The following ARID1B variants were observed in gnomAD, a reference collection of about 807,000 sequenced individuals.
ARID1B encodes AT-rich interaction domain 1B.
Under a neutral mutation model 212.3 loss-of-function variants are expected in ARID1B, and 30 were observed. That is an observed-to-expected ratio of 0.14 (90% confidence interval 0.11 to 0.19). The LOEUF is 0.19. Among genes scored for constraint, ARID1B ranks in the 10% least tolerant of loss-of-function variants. ARID1B has a pLI of 1.00. For synonymous variants in ARID1B, 1,402 were observed against 1,301.7 expected, an observed-to-expected ratio of 1.08 and a Z score of -1.66; for missense variants, 2,891 against 3,204.0, an observed-to-expected ratio of 0.90 and a Z score of 2.36.
intron 9 of ARID1B, chr6:157,173,353 G>A (rs913758080): frequency 3.3e-5 from 5 of 152,246 alleles, no homozygotes; most frequent in Non-Finnish European, 5.9e-5. Context: ...GCATTGAGCT[G>A]CTGTAAGGGT....
At chr6:156,927,548 C>G (rs1469126366) in intron 3 of ARID1B, among the ~76,000 whole-genome samples, 9 of 152,148 alleles carry the variant, frequency 5.9e-5, no homozygotes, top group African/African-American at 1.9e-4. Context: ...TATTGATGCT[C>G]TCTGCAGTCT....
At chr6:157,109,941 A>G (rs929681294) in intron 5 of ARID1B, among the ~76,000 whole-genome samples, 1 of 152,242 alleles carries the variant, frequency 6.6e-6, no homozygotes, top group African/African-American at 2.4e-5. Context: ...TTTAGTGATC[A>G]TGTATACTGC....
At position 156,777,932 on chromosome 6, in the gene ARID1B, G is replaced by A. The variant is rs1778746289; in HGVS notation, c.252G>A (p.Met84Ile). ...HPLLPRHELNMAHNAGAAAAA... is the reference protein window; with the variant it reads ...HPLLPRHELNIAHNAGAAAAA... ...TGCTCCCCCGTCACGAACTCAACAT[G>A]GCCCATAACGCGGGCGCCGCGGCCG... Residue 84 changes from methionine (M) to isoleucine (I), a missense_variant, in exon 1 of 20, where the codon ATG becomes ATA. Around this residue, in one of 7 missense-constraint regions of ARID1B, gnomAD observed 1,643 missense variants for 1,544.0 expected, o/e 1.06. Coordinates refer to ENST00000636930, the MANE Select transcript of ARID1B (RefSeq NM_001374828.1). 4 of 1,526,728 alleles carry A rather than the reference G, an allele frequency of 2.6e-6. No homozygotes were observed. Among genetic ancestry groups the A allele is most frequent in the African/African-American group, 1.4e-5 (1 of 72,122 alleles). The allele number at this position is 1,526,728 out of a possible 1,614,324, so 94.6% of individuals were successfully genotyped here.
intron 5 of ARID1B, among the ~76,000 whole-genome samples, chr6:157,090,272 A>G (rs1392783708): frequency 6.6e-6 from 1 of 152,222 alleles, no homozygotes; most frequent in Non-Finnish European, 1.5e-5. Flanking sequence ...ATGGACAGGC[A>G]GGTGTTAACT....
chr6:156,821,025 G>C (rs1425480046), intron 1 of ARID1B, among the ~76,000 whole-genome samples: 1 of 152,200 alleles, frequency 6.6e-6, no homozygotes, highest in African/African-American at 2.4e-5. Context: ...ATGAAGACTT[G>C]GGTGAAATAG....
intron 4 of ARID1B, among the ~76,000 whole-genome samples, chr6:157,028,442 G>C (rs111924518): frequency 6.6e-6 from 1 of 152,166 alleles, no homozygotes; most frequent in Non-Finnish European, 1.5e-5. Flanking sequence ...TTTACATAAA[G>C]ATCTAAAGGG....
At chr6:157,018,463 C>T (rs1000749265) in intron 4 of ARID1B, among the ~76,000 whole-genome samples, 1 of 152,112 alleles carries the variant, frequency 6.6e-6, no homozygotes, top group Non-Finnish European at 1.5e-5. Flanking sequence ...ATCCTTCCGC[C>T]TTGCCCTCCA....
intron 1 of ARID1B, among the ~76,000 whole-genome samples, chr6:156,799,767 C>T (rs1204367648): frequency 2.6e-5 from 4 of 152,212 alleles, no homozygotes; most frequent in Non-Finnish European, 4.4e-5. Flanking sequence ...CATGAGCCAC[C>T]ACACCCGGCC....
intron 1 of ARID1B, among the ~76,000 whole-genome samples, chr6:156,790,617 A>C (rs936492148): frequency 1.3e-5 from 2 of 152,254 alleles, no homozygotes; most frequent in Non-Finnish European, 2.9e-5. Context: ...TTTAAAAATT[A>C]CAGTCATACT....
intron 1 of ARID1B, among the ~76,000 whole-genome samples, chr6:156,784,058 G>C (rs2115080602): frequency 6.6e-6 from 1 of 152,078 alleles, no homozygotes; most frequent in South Asian, 2.1e-4. Flanking sequence ...AGGTTTTCCA[G>C]TTGGATGTTA....
intron 6 of ARID1B, among the ~76,000 whole-genome samples, chr6:157,112,348 G>A (rs954126338): frequency 4.0e-5 from 6 of 151,622 alleles, no homozygotes; most frequent in South Asian, 4.2e-4. Context: ...CCAAGCAAGC[G>A]TGATTCTTAC....
chr6:156,897,237 C>CTTA (rs1562468385), intron 2 of ARID1B, among the ~76,000 whole-genome samples: 13 of 97,342 alleles, frequency 1.3e-4, no homozygotes, highest in African/African-American at 5.1e-4. Flanking sequence ...TCTTCTTCTT[C>CTTA]TTCTTCTTCT....
chr6:156,987,582 G>A (rs528410516), intron 4 of ARID1B, among the ~76,000 whole-genome samples: 94 of 152,126 alleles, frequency 6.2e-4, no homozygotes, highest in African/African-American at 2.2e-3. Flanking sequence ...CGCCCGCCTC[G>A]GCCTCCCAAA....
chr6:156,930,883 A>G (rs1272866460), intron 3 of ARID1B, among the ~76,000 whole-genome samples: 1 of 152,292 alleles, frequency 6.6e-6, no homozygotes, highest in South Asian at 2.1e-4. Context: ...AAATTGCAGA[A>G]AGGTAAATAA....
At chr6:156,781,201 A>G (rs1052878361) in intron 1 of ARID1B, among the ~76,000 whole-genome samples, 1 of 152,188 alleles carries the variant, frequency 6.6e-6, no homozygotes, top group African/African-American at 2.4e-5. Flanking sequence ...TAAAAGGGGA[A>G]AAATGAGATA....
chr6:156,810,771 T>G (rs1469866823), intron 1 of ARID1B, among the ~76,000 whole-genome samples: 1 of 152,174 alleles, frequency 6.6e-6, no homozygotes. Flanking sequence ...CACCAATATT[T>G]TGCACAGCAG....
At chr6:157,012,864 A>G (rs1412655940) in intron 4 of ARID1B, among the ~76,000 whole-genome samples, 3 of 151,904 alleles carry the variant, frequency 2.0e-5, no homozygotes, top group African/African-American at 4.9e-5. Flanking sequence ...TAAGTATGGC[A>G]TGAGGTTTTG....
At chr6:157,069,746 A>G (rs1044825486) in intron 4 of ARID1B, among the ~76,000 whole-genome samples, 1 of 152,220 alleles carries the variant, frequency 6.6e-6, no homozygotes, top group Admixed American at 6.5e-5. Context: ...CTTGACACTA[A>G]TGATCATGAG....
intron 1 of ARID1B, among the ~76,000 whole-genome samples, chr6:156,826,925 C>G (rs1185205994): frequency 6.6e-6 from 1 of 152,112 alleles, no homozygotes; most frequent in Non-Finnish European, 1.5e-5. Context: ...TTCCCTTAAG[C>G]GGTGATATTC....
Sources: allele counts gnomAD v4.1 joint callset (sites outside exome capture counted in the v4.1 genomes callset), GRCh38; gene constraint gnomAD v4.1.1; regional missense constraint gnomAD v4.1.1; transcripts MANE v1.5; gene names NCBI Gene and HGNC (gene_info 2026-07-23, HGNC 2026-07-21).